The following SSBP2 variants were observed in gnomAD, a reference collection of about 807,000 sequenced individuals.
SSBP2 encodes the protein single-stranded DNA-binding protein 2.
In SSBP2, 17 loss-of-function variants were observed where a neutral mutation model predicts 61.8. The observed-to-expected ratio is 0.28, with a 90% CI of 0.19 to 0.41. The LOEUF (loss-of-function observed/expected upper bound fraction) is 0.41, where lower values mean the gene tolerates loss of function less well. Among genes scored for constraint, SSBP2 ranks in the 10% least tolerant of loss-of-function variants. The pLI, the probability that SSBP2 is intolerant of heterozygous loss-of-function variation, is 1.00. For missense variants in SSBP2, 310 were observed against 458.7 expected (o/e 0.68, Z 2.96); for synonymous variants, 139 against 141.3 (o/e 0.98, Z 0.12).
intron 1 of SSBP2, among the ~76,000 whole-genome samples, chr5:81,683,246 A>G (rs1752528071): frequency 6.6e-6 from 1 of 152,188 alleles, no homozygotes; most frequent in East Asian, 1.9e-4. Context: ...ACACTATTTG[A>G]CTACAGTACT....
intron 15 of SSBP2, among the ~76,000 whole-genome samples, chr5:81,431,569 A>G (rs1762291598): frequency 4.0e-5 from 6 of 151,786 alleles, no homozygotes; most frequent in Admixed American, 3.3e-4. Context: ...GATTTCTTCT[A>G]GCAGGTATTA....
chr5:81,721,943 G>A (rs990224294), intron 1 of SSBP2, among the ~76,000 whole-genome samples: 1 of 151,836 alleles, frequency 6.6e-6, no homozygotes, highest in African/African-American at 2.4e-5. Flanking sequence ...CCCTATACTG[G>A]TCCATTGGGG....
intron 4 of SSBP2, among the ~76,000 whole-genome samples, chr5:81,539,320 A>T (rs914698134): frequency 2.0e-5 from 3 of 152,206 alleles, no homozygotes; most frequent in African/African-American, 7.2e-5. Context: ...ACGATATCAA[A>T]CTTGACAGAT....
chr5:81,733,216 G>C (rs941028355), intron 1 of SSBP2, among the ~76,000 whole-genome samples: 4 of 152,094 alleles, frequency 2.6e-5, no homozygotes, highest in Non-Finnish European at 1.5e-5. Context: ...AAAAAAATAT[G>C]AAGGCTCCAA....
chr5:81,442,109 TATAG>T (rs1236645860), intron 13 of SSBP2, among the ~76,000 whole-genome samples: 2 of 152,300 alleles, frequency 1.3e-5, no homozygotes, highest in South Asian at 2.1e-4. Context: ...ATGTAGGCCT[TATAG>T]ATAAATAAAA....
intron 4 of SSBP2, among the ~76,000 whole-genome samples, chr5:81,524,588 A>G (rs1285590964): frequency 1.3e-5 from 2 of 152,026 alleles, no homozygotes; most frequent in Non-Finnish European, 2.9e-5. Flanking sequence ...CGGATCCTAA[A>G]ACGTTACTGT....
intron 4 of SSBP2, among the ~76,000 whole-genome samples, chr5:81,605,586 C>A (rs1415688875): frequency 2.0e-5 from 3 of 152,078 alleles, no homozygotes; most frequent in Non-Finnish European, 4.4e-5. Flanking sequence ...ATTATCACTT[C>A]ATAAACTTCC....
At chr5:81,673,064 C>G (rs1052783647) in intron 1 of SSBP2, among the ~76,000 whole-genome samples, 2 of 152,108 alleles carry the variant, frequency 1.3e-5, no homozygotes, top group Non-Finnish European at 2.9e-5. Flanking sequence ...TCTCAAACTT[C>G]TGACCTCAGG....
intron 1 of SSBP2, among the ~76,000 whole-genome samples, chr5:81,694,090 T>C (rs936329535): frequency 1.3e-5 from 2 of 152,154 alleles, no homozygotes; most frequent in African/African-American, 4.8e-5. Context: ...AGACAAACTT[T>C]GCATGTTCTC....
intron 16 of SSBP2, among the ~76,000 whole-genome samples, chr5:81,427,251 C>T (rs1561383224): frequency 6.6e-6 from 1 of 152,034 alleles, no homozygotes; most frequent in Non-Finnish European, 1.5e-5. Context: ...AAAATAATTC[C>T]CATAATCTTA....
intron 1 of SSBP2, among the ~76,000 whole-genome samples, chr5:81,677,746 G>GT (rs1752088254): frequency 6.6e-6 from 1 of 150,946 alleles, no homozygotes; most frequent in Non-Finnish European, 1.5e-5. Flanking sequence ...CTCTGGCTGG[G>GT]TTTTAATCAG....
chr5:81,491,437 A>C (rs1766846379), intron 5 of SSBP2, among the ~76,000 whole-genome samples: 3 of 152,326 alleles, frequency 2.0e-5, no homozygotes, highest in Admixed American at 1.3e-4. Flanking sequence ...AAGATGATAC[A>C]GTGTTTATTT....
intron 4 of SSBP2, among the ~76,000 whole-genome samples, chr5:81,538,000 A>T (rs1770945344): frequency 6.6e-6 from 1 of 152,162 alleles, no homozygotes; most frequent in South Asian, 2.1e-4. Flanking sequence ...AAGTGTTTCA[A>T]GTAAAAGGAA....
chr5:81,526,673 C>T (rs1769965310), intron 4 of SSBP2, among the ~76,000 whole-genome samples: 1 of 151,856 alleles, frequency 6.6e-6, no homozygotes, highest in Non-Finnish European at 1.5e-5. Context: ...CTTTTGAATT[C>T]ATTATTTTCA....
intron 13 of SSBP2, among the ~76,000 whole-genome samples, chr5:81,441,801 G>C (rs1028891572): frequency 2.6e-5 from 4 of 152,150 alleles, no homozygotes; most frequent in African/African-American, 7.2e-5. Context: ...ATGCCTCACT[G>C]ATATAAGGCA....
chr5:81,515,567 T>G (rs193030554), intron 4 of SSBP2, among the ~76,000 whole-genome samples: 2 of 150,184 alleles, frequency 1.3e-5, no homozygotes, highest in Admixed American at 1.3e-4. Flanking sequence ...TGTTTTTTTC[T>G]CTATTCAAAG....
In SSBP2 at chr5:81,545,965, A is replaced by G. The variant is rs115253244; in HGVS notation, c.283-32248T>C. Among the ~76,000 whole-genome samples the G allele has an allele frequency of 7.4e-4, 113 of 152,276 alleles. 1 individual carries two copies. Among genetic ancestry groups the G allele is most frequent in the African/African-American group, 2.6e-3 (108 of 41,562 alleles). On this transcript the variant is annotated intron_variant, in intron 4 of 16. Transcript: ENST00000320672. ...TTTCCTTCCCTTCCTTTTCCCTAAA[A>G]TAGTTTTAAAGGGAATGTTTAAGCA... is the stretch of plus-strand genomic sequence containing the variant.
At chr5:81,446,767 G>A in intron 12 of SSBP2, 101 bp downstream of exon 12, 1 of 1,146,476 alleles carries the variant, frequency 8.7e-7, no homozygotes, top group Non-Finnish European at 1.2e-6. Context: ...TAACTATCGT[G>A]AGAACATGAA....
chr5:81,747,906 G>C (rs1757458507), intron 1 of SSBP2, among the ~76,000 whole-genome samples: 1 of 151,940 alleles, frequency 6.6e-6, no homozygotes, highest in African/African-American at 2.4e-5. Context: ...TCCCTCCAAG[G>C]GTTTTCAATC....
Sources: gnomAD v4.1 joint callset for allele counts (sites outside exome capture counted in the v4.1 genomes callset) on GRCh38, gnomAD v4.1.1 for gene constraint, MANE v1.5 for transcripts, NCBI Gene and HGNC (gene_info 2026-07-23, HGNC 2026-07-21) for gene names.